DGKI: variants seen among roughly 807,000 people sequenced by gnomAD.
The protein encoded by DGKI is DAG kinase iota.
In DGKI, 55 loss-of-function variants were observed where a neutral mutation model predicts 147.5. The observed-to-expected ratio is 0.37, with a 90% CI of 0.30 to 0.47. DGKI has a LOEUF of 0.47. Ranked by LOEUF, DGKI falls within the 20% of genes least tolerant of loss-of-function variation. DGKI has a pLI of 1.00. For synonymous variants in DGKI, 469 were observed against 477.1 expected, an observed-to-expected ratio of 0.98 and a Z score of 0.22; for missense variants, 1,007 against 1,323.8, an observed-to-expected ratio of 0.76 and a Z score of 3.71.
chr7:137,600,017 C>T, intron 10 of DGKI, 112 bp from the exon 11 acceptor site: 2 of 924,552 alleles, frequency 2.2e-6, no homozygotes, highest in Non-Finnish European at 1.6e-6. Flanking sequence ...GGCACGGTGG[C>T]ACACGCCTGT....
chr7:137,645,658 C>T, intron 5 of DGKI, 121 bp from the exon 6 acceptor site: 1 of 856,148 alleles, frequency 1.2e-6, no homozygotes. Context: ...CCTCGAACTC[C>T]TCTGCTCAAG....
At chr7:137,406,817 T>C (rs1811965492) in intron 30 of DGKI, among the ~76,000 whole-genome samples, 1 of 152,128 alleles carries the variant, frequency 6.6e-6, no homozygotes, top group South Asian at 2.1e-4. Context: ...ACAGTGACTG[T>C]ATTTTATTTT....
At chr7:137,541,076 C>A (rs1817685061) in intron 20 of DGKI, among the ~76,000 whole-genome samples, 1 of 152,074 alleles carries the variant, frequency 6.6e-6, no homozygotes, top group Non-Finnish European at 1.5e-5. Flanking sequence ...ACTCAAATAG[C>A]CACAACAGTG....
At chr7:137,551,792 T>C (rs886188071) in intron 20 of DGKI, among the ~76,000 whole-genome samples, 4 of 152,060 alleles carry the variant, frequency 2.6e-5, no homozygotes, top group Non-Finnish European at 4.4e-5. Flanking sequence ...TGGGTCAGGC[T>C]ATGTCTGGAC....
rs1408471767 is a variant in DGKI, at chr7:137,791,847, T to C, written c.401+54615A>G. ...AATCCTTTCCCCCTCACTTCAATTA[T>C]GCTGTCAAATTATCATGAAATGTCT... is the stretch of plus-strand genomic sequence containing the variant. On this transcript the variant is annotated intron_variant, in intron 1 of 32. Transcript: ENST00000614521. 2.2e-4 allele frequency among the ~76,000 whole-genome samples: 33 copies of C among 152,232 alleles called. 1 individual carries two copies. The highest frequency in any genetic ancestry group is 2.9e-5 in the Non-Finnish European group (2 of 68,044).
At chr7:137,832,378 T>A (rs777692514) in intron 1 of DGKI, among the ~76,000 whole-genome samples, 5 of 152,202 alleles carry the variant, frequency 3.3e-5, no homozygotes, top group Non-Finnish European at 7.3e-5. Context: ...GAAATCAAGG[T>A]GGAGGTTCCC....
intron 1 of DGKI, among the ~76,000 whole-genome samples, chr7:137,704,243 C>A (rs1793933951): frequency 6.6e-6 from 1 of 152,008 alleles, no homozygotes. Flanking sequence ...TTAAAATAAA[C>A]CATGTCTAAG....
chr7:137,591,690 AGTT>A (rs1256781673), intron 12 of DGKI, among the ~76,000 whole-genome samples: 2 of 152,188 alleles, frequency 1.3e-5, no homozygotes, highest in African/African-American at 2.4e-5. Flanking sequence ...TGACTTTTAG[AGTT>A]GTTTCATCAA....
intron 1 of DGKI, among the ~76,000 whole-genome samples, chr7:137,841,934 C>A (rs1798556241): frequency 6.6e-6 from 1 of 152,200 alleles, no homozygotes; most frequent in Admixed American, 6.5e-5. Context: ...TAGTGTCAAT[C>A]TCCCAGGTAA....
chr7:137,469,625 A>G lies in DGKI; in HGVS notation c.2374-6T>C. The G allele has an allele frequency of 1.2e-6, 2 of 1,613,674 alleles. No homozygotes were observed. The highest frequency in any genetic ancestry group is 4.5e-5 in the East Asian group (2 of 44,860). Reference sequence around the variant, plus strand: ...GGGAAGGAGGTTTCATGGTCCTGGAAAGAGACACACACACTCTAGTGGCTG... The same window carrying G: ...GGGAAGGAGGTTTCATGGTCCTGGAGAGAGACACACACACTCTAGTGGCTG... On this transcript the variant is annotated splice_polypyrimidine_tract_variant and splice_region_variant and intron_variant, in intron 23 of 32. Transcript: ENST00000614521.
intron 1 of DGKI, among the ~76,000 whole-genome samples, chr7:137,747,128 G>A (rs567119345): frequency 1.6e-4 from 24 of 152,088 alleles, no homozygotes; most frequent in Admixed American, 1.6e-3. Context: ...TTAATCACAA[G>A]CGGGTAGGGG....
intron 3 of DGKI, among the ~76,000 whole-genome samples, chr7:137,671,016 C>G (rs1563142664): frequency 6.6e-6 from 1 of 152,214 alleles, no homozygotes; most frequent in Non-Finnish European, 1.5e-5. Flanking sequence ...CCCACACACA[C>G]AGATGCATGG....
chr7:137,457,913 AAAGTT>A (rs1814269075), intron 27 of DGKI, among the ~76,000 whole-genome samples: 1 of 151,540 alleles, frequency 6.6e-6, no homozygotes, highest in Non-Finnish European at 1.5e-5. Context: ...TAGGGTCAAA[AAAGTT>A]AAATCTAAAA....
At chr7:137,683,695 T>C (rs1823318740) in intron 2 of DGKI, among the ~76,000 whole-genome samples, 2 of 152,236 alleles carry the variant, frequency 1.3e-5, no homozygotes, top group African/African-American at 4.8e-5. Flanking sequence ...AGAGTCTCCA[T>C]CTGTGCCAGA....
chr7:137,488,511 T>C (rs1815648565), intron 21 of DGKI, among the ~76,000 whole-genome samples: 1 of 151,612 alleles, frequency 6.6e-6, no homozygotes, highest in Non-Finnish European at 1.5e-5. Context: ...TAGTCTTCTT[T>C]CCAAAACTTA....
chr7:137,441,560 T>C (rs1020445107), intron 28 of DGKI, among the ~76,000 whole-genome samples: 1 of 151,690 alleles, frequency 6.6e-6, no homozygotes. Context: ...CAAGATAAGG[T>C]AAAGGACAAA....
intron 12 of DGKI, among the ~76,000 whole-genome samples, chr7:137,591,186 T>A (rs1049303040): frequency 1.3e-5 from 2 of 152,240 alleles, no homozygotes; most frequent in African/African-American, 4.8e-5. Context: ...AAGTACACAG[T>A]GTGTGAATGT....
intron 1 of DGKI, among the ~76,000 whole-genome samples, chr7:137,831,333 G>C (rs944425554): frequency 2.0e-5 from 3 of 152,210 alleles, no homozygotes; most frequent in African/African-American, 7.2e-5. Flanking sequence ...TCATGCTGCT[G>C]ATAAAACATA....
chr7:137,555,772 C>A (rs1330106696), intron 19 of DGKI, among the ~76,000 whole-genome samples: 2 of 152,082 alleles, frequency 1.3e-5, no homozygotes, highest in African/African-American at 4.8e-5. Flanking sequence ...ACTACCCCCT[C>A]CCCAAAAATG....
Sources: gnomAD v4.1 joint callset for allele counts (sites outside exome capture counted in the v4.1 genomes callset) on GRCh38, gnomAD v4.1.1 for gene constraint, MANE v1.5 for transcripts, NCBI Gene and HGNC (gene_info 2026-07-23, HGNC 2026-07-21) for gene names.